The following SPATA45 variants were observed in gnomAD, a reference collection of about 807,000 sequenced individuals.
SPATA45 encodes the protein spermatogenesis-associated protein 45.
SPATA45 carries 5 observed loss-of-function variants against 7.0 expected under a neutral mutation model. The ratio of observed to expected loss-of-function variants is 0.71; its 90% CI spans 0.37 to 1.50. The LOEUF (loss-of-function observed/expected upper bound fraction) is 1.50. Among genes scored for constraint, SPATA45 ranks in the 40% most tolerant of loss-of-function variants. The pLI, the probability that SPATA45 is intolerant of heterozygous loss-of-function variation, is 0.03. For synonymous variants in SPATA45, 40 were observed against 38.7 expected, an observed-to-expected ratio of 1.03 and a Z score of -0.13; for missense variants, 111 against 114.9, an observed-to-expected ratio of 0.97 and a Z score of 0.16.
intron 1 of SPATA45, among the ~76,000 whole-genome samples, chr1:212,839,688 G>A (rs560124061): frequency 1.3e-4 from 19 of 151,648 alleles, no homozygotes; most frequent in Admixed American, 5.3e-4. Flanking sequence ...GGTTGCTTGG[G>A]AATGGGGAAA....
At chr1:212,843,603 C>A (rs574877053) in intron 1 of SPATA45, among the ~76,000 whole-genome samples, 1 of 152,098 alleles carries the variant, frequency 6.6e-6, no homozygotes, top group African/African-American at 2.4e-5. Flanking sequence ...ACAATGGAGA[C>A]GTTCAAGGTA....
chr1:212,836,673 G>A (rs554272397), intron 1 of SPATA45, among the ~76,000 whole-genome samples: 1 of 148,620 alleles, frequency 6.7e-6, no homozygotes, highest in Non-Finnish European at 1.5e-5. Flanking sequence ...TTTTGAGATG[G>A]AGTCTCACTC....
chr1:212,831,648 GA>G (rs1553259871), intron 2 of SPATA45, among the ~76,000 whole-genome samples: 1 of 151,332 alleles, frequency 6.6e-6, no homozygotes, highest in Non-Finnish European at 1.5e-5. Flanking sequence ...CGGACTAAGA[GA>G]ACTTCTTTCC....
At chr1:212,844,151 A>G (rs1663744440) in intron 1 of SPATA45, among the ~76,000 whole-genome samples, 1 of 152,172 alleles carries the variant, frequency 6.6e-6, no homozygotes, top group Non-Finnish European at 1.5e-5. Flanking sequence ...TTTTGGTCCA[A>G]ACAACTTGAC....
intron 2 of SPATA45, among the ~76,000 whole-genome samples, chr1:212,833,791 T>C (rs1233139664): frequency 1.3e-5 from 2 of 151,812 alleles, no homozygotes; most frequent in African/African-American, 4.8e-5. Context: ...TTCTTATCAT[T>C]TGTGTGTTCA....
At chr1:212,833,425 G>A (rs187248984) in intron 2 of SPATA45, among the ~76,000 whole-genome samples, 3 of 149,770 alleles carry the variant, frequency 2.0e-5, no homozygotes, top group Admixed American at 1.3e-4. Flanking sequence ...TTGGGAGGCC[G>A]AGATGGGTGG....
chr1:212,837,638 A>G (rs1467781834), intron 1 of SPATA45, among the ~76,000 whole-genome samples: 1 of 149,278 alleles, frequency 6.7e-6, no homozygotes, highest in Non-Finnish European at 1.5e-5. Flanking sequence ...GTCTCAAAAA[A>G]TAAAATAAAA....
chr1:212,843,596 A>G (rs947409766), intron 1 of SPATA45, among the ~76,000 whole-genome samples: 28 of 152,186 alleles, frequency 1.8e-4, no homozygotes, highest in Admixed American at 1.2e-3. Context: ...TTAACAAACA[A>G]TGGAGACGTT....
chr1:212,830,306 C>T, intron 2 of SPATA45, 45 bp from the exon 3 acceptor site: 1 of 1,180,462 alleles, frequency 8.5e-7, no homozygotes. Flanking sequence ...TAACTTATAA[C>T]ACATTTCATG....
chr1:212,835,836 C>CAA (rs369495200), intron 2 of SPATA45, 37 bp downstream of exon 2: 889 of 1,354,494 alleles, frequency 6.6e-4, no homozygotes, highest in Admixed American at 8.6e-4. Flanking sequence ...AACTCCATCT[C>CAA]AAAAAAAAAA....
At chr1:212,836,807 C>T (rs1663594104) in intron 1 of SPATA45, among the ~76,000 whole-genome samples, 1 of 146,532 alleles carries the variant, frequency 6.8e-6, no homozygotes, top group Admixed American at 7.4e-5. Context: ...CACCACCATG[C>T]CCAGCTAATT....
intron 1 of SPATA45, among the ~76,000 whole-genome samples, chr1:212,841,631 CTTT>C (rs5780702): frequency 0.13 from 16,157 of 125,462 alleles, 800 homozygotes; most frequent in African/African-American, 0.23. Context: ...AGGTATCTTT[CTTT>C]TTTTTTTTTT....
At chr1:212,836,952 C>G (rs1041793372) in intron 1 of SPATA45, among the ~76,000 whole-genome samples, 2 of 151,020 alleles carry the variant, frequency 1.3e-5, no homozygotes, top group African/African-American at 4.9e-5. Context: ...CCACCGTACC[C>G]GGCCACACCT....
At chr1:212,839,223 A>G (rs2102511558) in intron 1 of SPATA45, among the ~76,000 whole-genome samples, 1 of 149,400 alleles carries the variant, frequency 6.7e-6, no homozygotes, top group South Asian at 2.1e-4. Context: ...TAAACACAAT[A>G]TTATGGCTGA....
chr1:212,836,022 A>G lies in SPATA45; in HGVS notation c.128T>C (p.Leu43Ser). The change falls in exon 2 of 3, where the codon TTA becomes TCA. Residue 43 changes from leucine (L) to serine (S), a missense_variant. Leu to Ser is a moderately radical substitution (Grantham distance 145, BLOSUM62 -2). Transcript: ENST00000332912. The part of the protein sequence containing the change: ...CLVERSNQVS[L>S]LRVQKRHFPD... ...GAAGTGCCTCTTTTGAACTCTCAGT[A>G]AGCTGACTTGATTGCTTCGTTCCAC... 1 of 1,611,380 alleles carries G rather than the reference A, an allele frequency of 6.2e-7. No homozygotes were observed. Among genetic ancestry groups the G allele is most frequent in the Non-Finnish European group, 8.5e-7 (1 of 1,178,060 alleles).
At chr1:212,840,743 G>T (rs556194400) in intron 1 of SPATA45, among the ~76,000 whole-genome samples, 1 of 151,438 alleles carries the variant, frequency 6.6e-6, no homozygotes, top group African/African-American at 2.4e-5. Context: ...TCAGCCTCTC[G>T]AGTAGGTGGG....
intron 2 of SPATA45, among the ~76,000 whole-genome samples, chr1:212,830,672 CA>C (rs35293333): frequency 0.45 from 60,765 of 135,500 alleles, 14,182 homozygotes; most frequent in Middle Eastern, 0.54. Flanking sequence ...ACTCCGACTC[CA>C]AAAAAAAAAA....
intron 2 of SPATA45, among the ~76,000 whole-genome samples, chr1:212,830,744 A>C (rs2102505980): frequency 6.6e-6 from 1 of 150,530 alleles, no homozygotes; most frequent in African/African-American, 2.4e-5. Context: ...GCACTTTGAG[A>C]GACTGAGGTG....
At chr1:212,837,892 T>C (rs1433945215) in intron 1 of SPATA45, among the ~76,000 whole-genome samples, 1 of 151,738 alleles carries the variant, frequency 6.6e-6, no homozygotes, top group Non-Finnish European at 1.5e-5. Context: ...AAGCCCACGC[T>C]GAGATTACAG....
Sources: gnomAD v4.1 joint callset for allele counts (sites outside exome capture counted in the v4.1 genomes callset) on GRCh38, gnomAD v4.1.1 for gene constraint, MANE v1.5 for transcripts, NCBI Gene and HGNC (gene_info 2026-07-23, HGNC 2026-07-21) for gene names.